Variants in CEP152 observed in about 807,000 individuals in gnomAD.
CEP152 encodes the protein centrosomal protein of 152 kDa.
A neutral mutation model predicts 188.9 loss-of-function variants in CEP152; 132 were observed. The observed-to-expected ratio is 0.70, with a 90% CI of 0.61 to 0.81. The LOEUF is 0.81. Ranked by LOEUF, CEP152 falls within the 30% of genes least tolerant of loss-of-function variation. The probability of loss-of-function intolerance (pLI) is 0.00; values close to 1 mark genes in which losing one functional copy is unlikely to be tolerated. For synonymous variants in CEP152, 649 were observed against 666.6 expected (o/e 0.97, Z 0.41); for missense variants, 1,914 against 1,969.8 (o/e 0.97, Z 0.54).
At chr15:48,781,416 G>A (rs1896234927) in intron 11 of CEP152, 57 bp from the exon 12 acceptor site, 5 of 1,423,482 alleles carry the variant, frequency 3.5e-6, no homozygotes, top group Non-Finnish European at 4.9e-6. Flanking sequence ...GAAGTAATCA[G>A]TCATTCTGTT....
At chr15:48,778,962 AAAG>A (rs1274026214) in intron 12 of CEP152, among the ~76,000 whole-genome samples, 3 of 152,092 alleles carry the variant, frequency 2.0e-5, no homozygotes, top group Admixed American at 2.0e-4. Context: ...AAAAAAAAAA[AAAG>A]ATGAATACAG....
chr15:48,771,723 T>C (rs1258586759), intron 13 of CEP152, among the ~76,000 whole-genome samples: 1 of 152,202 alleles, frequency 6.6e-6, no homozygotes, highest in East Asian at 1.9e-4. Flanking sequence ...GTTGAAAATA[T>C]CATTAAGTCA....
chr15:48,805,015 T>G (rs775770981), intron 2 of CEP152, among the ~76,000 whole-genome samples: 1 of 152,228 alleles, frequency 6.6e-6, no homozygotes, highest in African/African-American at 2.4e-5. Flanking sequence ...TTCCTTCTCA[T>G]GAGTCAAGTC....
At chr15:48,789,322 T>G (rs1896867250) in intron 8 of CEP152, 1 of 403,874 alleles carries the variant, frequency 2.5e-6, no homozygotes, top group African/African-American at 2.0e-5. Context: ...ATGGCCCCAG[T>G]GCTGTTTGCA....
intron 18 of CEP152, among the ~76,000 whole-genome samples, chr15:48,760,780 T>G (rs1894628400): frequency 6.6e-6 from 1 of 152,102 alleles, no homozygotes; most frequent in Non-Finnish European, 1.5e-5. Context: ...GGGAAAAAAT[T>G]AAGACTTGAT....
intron 19 of CEP152, among the ~76,000 whole-genome samples, chr15:48,759,647 G>C (rs1894535743): frequency 6.6e-6 from 1 of 152,070 alleles, no homozygotes; most frequent in African/African-American, 2.4e-5. Context: ...CATTCAGTTT[G>C]TTGGCATTTT....
chr15:48,777,425 G>GTTC (rs1342152794), intron 12 of CEP152, among the ~76,000 whole-genome samples: 1 of 151,400 alleles, frequency 6.6e-6, no homozygotes, highest in African/African-American at 2.4e-5. Context: ...AATGTTTACT[G>GTTC]TTCTTCAGTT....
chr15:48,752,344 A>G lies in CEP152; in HGVS notation c.3466+5T>C. On this transcript the variant is annotated splice_donor_5th_base_variant and intron_variant, in intron 21 of 26. Coordinates refer to ENST00000380950, the MANE Select transcript of CEP152 (RefSeq NM_001194998.2). ...CAAAGACTGGTGGGAACAAAATCCA[A>G]TTACCAGCTTCTGCTTCTGTTGCTT... 2 of 1,614,028 alleles carry G rather than the reference A, an allele frequency of 1.2e-6. No homozygotes were observed.
At position 48,739,217 on chromosome 15, in the gene CEP152, G is replaced by C. The variant is rs947792879; in HGVS notation, c.4165C>G (p.Pro1389Ala). ...SKRNDVNQKI[P>A]CCIESKSNSV... is the part of the protein sequence containing the mutation. Reference sequence around the variant, plus strand: ...TTTGATTTGCTTTCAATACAACATGGTATTTTCTGATTCACATCATTTCTT... The same window carrying C: ...TTTGATTTGCTTTCAATACAACATGCTATTTTCTGATTCACATCATTTCTT... Residue 1389 changes from proline (P) to alanine (A), a missense_variant, in exon 27 of 27, where the codon CCA (proline) becomes GCA (alanine). By Grantham distance (27) the Pro-to-Ala change is conservative. Transcript: ENST00000380950. 7 of 1,612,898 alleles carry C rather than the reference G, an allele frequency of 4.3e-6. No individual in the cohort carries two copies. Among genetic ancestry groups the C allele is most frequent in the Non-Finnish European group, 5.9e-6 (7 of 1,179,738 alleles).
chr15:48,732,774 T>G (rs973593117), intron 2 of CEP152, among the ~76,000 whole-genome samples: 5 of 152,068 alleles, frequency 3.3e-5, no homozygotes, highest in Admixed American at 3.3e-4. Flanking sequence ...TAAAACACAT[T>G]TGTAATAGCT....
chr15:48,797,154 C>T, intron 5 of CEP152, 147 bp downstream of exon 5: 2 of 842,164 alleles, frequency 2.4e-6, no homozygotes, highest in Non-Finnish European at 3.9e-6. Flanking sequence ...ACTAATTCAC[C>T]ATGAACCTGA....
chr15:48,733,178 T>C (rs767911068), downstream of CEP152, among the ~76,000 whole-genome samples: 8 of 152,180 alleles, frequency 5.3e-5, no homozygotes, highest in Non-Finnish European at 1.0e-4. Flanking sequence ...CAATAATTTG[T>C]TGTAAAGTTC....
rs1253411553 is a variant in CEP152, at chr15:48,739,181, T to G, written c.4201A>C (p.Thr1401Pro). ...CIESKSNSVN[T>P]ITRTLCEQAP... is the part of the protein sequence containing the mutation. Reference sequence around the variant, plus strand: ...TGTTCGCACAGAGTTCTGGTGATGGTGTTTACACTATTTGATTTGCTTTCA... The same window carrying G: ...TGTTCGCACAGAGTTCTGGTGATGGGGTTTACACTATTTGATTTGCTTTCA... Residue 1401 changes from threonine to proline, a missense_variant, in exon 27 of 27, where the codon ACC (threonine) becomes CCC (proline). Thr to Pro is a conservative substitution (Grantham distance 38). Coordinates refer to ENST00000380950, the MANE Select transcript of CEP152 (RefSeq NM_001194998.2). The G allele has an allele frequency of 1.2e-6, 2 of 1,614,002 alleles. No homozygotes were observed. Among genetic ancestry groups the G allele is most frequent in the African/African-American group, 2.7e-5 (2 of 75,054 alleles).
intron 10 of CEP152, 58 bp from the exon 11 acceptor site, chr15:48,782,288 G>T: frequency 3.5e-6 from 5 of 1,442,824 alleles, no homozygotes; most frequent in East Asian, 2.3e-5. Flanking sequence ...AAGTGCTTAT[G>T]ATCTACAGAA....
chr15:48,745,339 T>A (rs554911359), intron 22 of CEP152, among the ~76,000 whole-genome samples: 1 of 152,276 alleles, frequency 6.6e-6, no homozygotes, highest in Admixed American at 6.5e-5. Context: ...GTAGACAGTT[T>A]ATGCTCATAT....
chr15:48,809,312 C>T (rs552419641), intron 1 of CEP152, among the ~76,000 whole-genome samples: 3 of 152,238 alleles, frequency 2.0e-5, no homozygotes, highest in East Asian at 3.9e-4. Context: ...AGATCATATC[C>T]TAGATGCACC....
At chr15:48,744,845 A>G (rs747512823) in intron 23 of CEP152, 51 bp downstream of exon 23, 1 of 1,507,274 alleles carries the variant, frequency 6.6e-7, no homozygotes. Context: ...ATTTAAAGAT[A>G]CTTGTACTTA....
At chr15:48,760,055 G>A (rs550927923) in intron 19 of CEP152, 80 bp downstream of exon 19, 64 of 1,575,696 alleles carry the variant, frequency 4.1e-5, no homozygotes, top group Non-Finnish European at 5.5e-5. Context: ...CTATGAGTAG[G>A]TACAAATTCC....
At chr15:48,741,453 T>C in intron 26 of CEP152, 148 bp downstream of exon 26, 1 of 1,517,482 alleles carries the variant, frequency 6.6e-7, no homozygotes, top group Non-Finnish European at 8.8e-7. Context: ...TGTACTCTTT[T>C]TGCGTAAACT....
Sources: allele counts gnomAD v4.1 joint callset (sites outside exome capture counted in the v4.1 genomes callset), GRCh38; gene constraint gnomAD v4.1.1; transcripts MANE v1.5; gene names NCBI Gene and HGNC (gene_info 2026-07-23, HGNC 2026-07-21).